The following DGKB variants were observed in gnomAD, a reference collection of about 807,000 sequenced individuals.
DGKB encodes 90 kDa diacylglycerol kinase.
Under a neutral mutation model 114.3 loss-of-function variants are expected in DGKB, and 67 were observed. That is an observed-to-expected ratio of 0.59 (90% confidence interval 0.48 to 0.72). The LOEUF is 0.72. DGKB is among the 30% of genes least tolerant of loss of function. The pLI, the probability that DGKB is intolerant of heterozygous loss-of-function variation, is 0.00. For synonymous variants in DGKB, 398 were observed against 323.1 expected (o/e 1.23, Z -2.49); for missense variants, 907 against 975.2 (o/e 0.93, Z 0.93).
At chr7:14,637,369 A>G (rs1810943126) in intron 13 of DGKB, among the ~76,000 whole-genome samples, 1 of 151,944 alleles carries the variant, frequency 6.6e-6, no homozygotes, top group East Asian at 1.9e-4. Context: ...ATAAGTAGAC[A>G]TGCACCACTT....
intron 23 of DGKB, chr7:14,268,939 TCA>T (rs1022280828): frequency 6.6e-6 from 1 of 152,212 alleles, no homozygotes; most frequent in Non-Finnish European, 1.5e-5. Context: ...ATTTATTAGC[TCA>T]CAGTTTCTGT....
chr7:14,691,680 C>T (rs1215185817), intron 9 of DGKB, among the ~76,000 whole-genome samples: 1 of 151,806 alleles, frequency 6.6e-6, no homozygotes, highest in Non-Finnish European at 1.5e-5. Flanking sequence ...ATGTAGGTGG[C>T]TTACTTTTTT....
chr7:14,273,331 G>A (rs1349456560), intron 23 of DGKB, among the ~76,000 whole-genome samples: 1 of 152,066 alleles, frequency 6.6e-6, no homozygotes, highest in Non-Finnish European at 1.5e-5. Context: ...GGGTGACAGA[G>A]CTAGACCCTA....
intron 1 of DGKB, among the ~76,000 whole-genome samples, chr7:14,926,186 T>G (rs1388679501): frequency 6.6e-6 from 1 of 152,124 alleles, no homozygotes; most frequent in Non-Finnish European, 1.5e-5. Flanking sequence ...GGATTACATT[T>G]CATACATTTT....
At chr7:14,572,320 C>T (rs1016652240) in intron 20 of DGKB, among the ~76,000 whole-genome samples, 27 of 150,664 alleles carry the variant, frequency 1.8e-4, no homozygotes, top group Non-Finnish European at 1.0e-4. Flanking sequence ...GGCATGGTGG[C>T]GGGTGCCTGT....
intron 21 of DGKB, among the ~76,000 whole-genome samples, chr7:14,437,341 C>G: frequency 2.0e-5 from 3 of 152,120 alleles, no homozygotes; most frequent in Admixed American, 2.0e-4. Flanking sequence ...AACATTAAAT[C>G]TCTTTGATAA....
intron 17 of DGKB, among the ~76,000 whole-genome samples, chr7:14,603,657 T>G (rs2128770386): frequency 6.6e-6 from 1 of 152,268 alleles, no homozygotes; most frequent in African/African-American, 2.4e-5. Context: ...CATTATATTT[T>G]TAAAATTATG....
intron 23 of DGKB, among the ~76,000 whole-genome samples, chr7:14,284,997 A>G (rs1460307727): frequency 1.3e-5 from 2 of 148,998 alleles, no homozygotes; most frequent in South Asian, 2.2e-4. Flanking sequence ...TGTACCCTAA[A>G]ACTTAAAGTA....
chr7:14,215,750 G>C (rs979996745), intron 23 of DGKB, among the ~76,000 whole-genome samples: 3 of 152,082 alleles, frequency 2.0e-5, no homozygotes, highest in Non-Finnish European at 4.4e-5. Context: ...GATAATAACA[G>C]TAACTAGAAG....
At chr7:14,452,801 T>C (rs1476249861) in intron 21 of DGKB, among the ~76,000 whole-genome samples, 2 of 152,116 alleles carry the variant, frequency 1.3e-5, no homozygotes, top group Non-Finnish European at 2.9e-5. Context: ...GCAAATATCA[T>C]AGAGTGTACT....
At chr7:14,743,589 G>A (rs1423184937) in intron 4 of DGKB, among the ~76,000 whole-genome samples, 1 of 152,108 alleles carries the variant, frequency 6.6e-6, no homozygotes, top group African/African-American at 2.4e-5. Flanking sequence ...ATTTAACATG[G>A]TTAGGTACAT....
At chr7:14,508,014 A>G (rs1199995998) in intron 20 of DGKB, among the ~76,000 whole-genome samples, 4 of 152,208 alleles carry the variant, frequency 2.6e-5, no homozygotes, top group African/African-American at 9.6e-5. Context: ...CAAGGCAATG[A>G]TTCAACAAAG....
At chr7:14,903,495 C>T (rs1017232592), upstream of DGKB, 1 of 152,134 alleles carries the variant, frequency 6.6e-6, no homozygotes, top group Admixed American at 6.6e-5. Flanking sequence ...CACTATACAT[C>T]TCAGGGAGGA....
chr7:14,949,455 T>A (rs186663114), intron 1 of DGKB, among the ~76,000 whole-genome samples: 2 of 151,866 alleles, frequency 1.3e-5, no homozygotes, highest in Non-Finnish European at 2.9e-5. Flanking sequence ...GCAGAAACAT[T>A]ATAGTCAAAA....
rs1008889420 is a variant in DGKB, at chr7:14,166,028, C to T, written c.2304+10811G>A. 5.3e-5 allele frequency among the ~76,000 whole-genome samples: 8 copies of T among 152,162 alleles called. No homozygotes were observed. In the South Asian group the frequency reaches 6.2e-4, roughly 12 times the overall value. ...CAATAATAAAAGGTAGGAACAGTCC[C>T]GGTTCTATAACTCTTTGTTTCATGA... On this transcript the variant is annotated intron_variant, in intron 25 of 25. Coordinates refer to ENST00000402815, the MANE Select transcript of DGKB (RefSeq NM_001350709.2).
intron 25 of DGKB, among the ~76,000 whole-genome samples, chr7:14,161,048 C>A (rs1027776498): frequency 5.3e-5 from 8 of 152,098 alleles, no homozygotes; most frequent in Non-Finnish European, 8.8e-5. Flanking sequence ...GCAGCCAACA[C>A]ACATATGAGA....
chr7:14,319,362 C>G (rs1254403396), intron 23 of DGKB, among the ~76,000 whole-genome samples: 3 of 151,910 alleles, frequency 2.0e-5, no homozygotes, highest in Non-Finnish European at 4.4e-5. Context: ...TTAGACCAGA[C>G]ATTACAGAGA....
At chr7:14,557,714 C>A (rs1439343374) in intron 20 of DGKB, among the ~76,000 whole-genome samples, 1 of 150,680 alleles carries the variant, frequency 6.6e-6, no homozygotes, top group Non-Finnish European at 1.5e-5. Flanking sequence ...ATTTTTATTT[C>A]CATTTTACCT....
At chr7:14,717,632 GC>G (rs1828424653) in intron 6 of DGKB, among the ~76,000 whole-genome samples, 1 of 152,010 alleles carries the variant, frequency 6.6e-6, no homozygotes, top group South Asian at 2.1e-4. Context: ...AACTAAAAAT[GC>G]CCCCCAATAA....
Sources: allele counts gnomAD v4.1 joint callset (sites outside exome capture counted in the v4.1 genomes callset), GRCh38; gene constraint gnomAD v4.1.1; transcripts MANE v1.5; gene names NCBI Gene and HGNC (gene_info 2026-07-23, HGNC 2026-07-21).